KLF12: variants seen among roughly 807,000 people sequenced by gnomAD.
The protein encoded by KLF12 is KLF transcription factor 12.
Under a neutral mutation model 37.8 loss-of-function variants are expected in KLF12, and 9 were observed. The observed-to-expected ratio is 0.24, with a 90% CI of 0.14 to 0.42. KLF12 has a LOEUF of 0.42. Among genes scored for constraint, KLF12 ranks in the 10% least tolerant of loss-of-function variants. The pLI is 1.00. For synonymous variants in KLF12, 208 were observed against 202.1 expected, an observed-to-expected ratio of 1.03 and a Z score of -0.25; for missense variants, 411 against 516.0, an observed-to-expected ratio of 0.80 and a Z score of 1.97.
chr13:73,928,736 T>C (rs1310819564), intron 3 of KLF12, among the ~76,000 whole-genome samples: 3 of 152,222 alleles, frequency 2.0e-5, no homozygotes, highest in Admixed American at 6.5e-5. Context: ...AGTTGCCACT[T>C]TGTATCACAA....
chr13:74,262,439 G>C, the KLF12 span, among the ~76,000 whole-genome samples: 1 of 152,176 alleles, frequency 6.6e-6, no homozygotes, highest in African/African-American at 2.4e-5. Flanking sequence ...ATTGGTTCAA[G>C]GACCTTCTCT....
the KLF12 span, among the ~76,000 whole-genome samples, chr13:74,284,280 A>C: frequency 6.6e-6 from 1 of 152,144 alleles, no homozygotes; most frequent in Non-Finnish European, 1.5e-5. Context: ...AGGCCTTTTA[A>C]TCTTAGAGAG....
At chr13:74,252,160 T>C in the KLF12 span, among the ~76,000 whole-genome samples, 1 of 152,194 alleles carries the variant, frequency 6.6e-6, no homozygotes, top group Admixed American at 6.5e-5. Flanking sequence ...ATCCCTTAGT[T>C]GTTAAGAAAC....
chr13:73,987,569 C>T (rs7329599), intron 2 of KLF12, among the ~76,000 whole-genome samples: 100,307 of 149,610 alleles, frequency 0.67, 34,944 homozygotes, highest in East Asian at 0.83. Flanking sequence ...AATGTGTAAA[C>T]AGGGAAGAGA....
chr13:73,783,683 T>C (rs1254467464), intron 5 of KLF12, among the ~76,000 whole-genome samples: 2 of 151,642 alleles, frequency 1.3e-5, no homozygotes, highest in Non-Finnish European at 2.9e-5. Context: ...GCCAGTGTAG[T>C]CTCATGATGG....
At chr13:74,064,878 T>TA (rs1480590425) in intron 1 of KLF12, among the ~76,000 whole-genome samples, 4 of 152,204 alleles carry the variant, frequency 2.6e-5, no homozygotes, top group Admixed American at 6.5e-5. Flanking sequence ...GAATCAATGT[T>TA]AGTTTTATTC....
chr13:74,021,255 C>T (rs960239588), intron 1 of KLF12, among the ~76,000 whole-genome samples: 5 of 151,932 alleles, frequency 3.3e-5, no homozygotes, highest in African/African-American at 7.3e-5. Flanking sequence ...AATGATCAGG[C>T]ATTTGACTCA....
At chr13:74,089,558 A>G (rs1051586255) in intron 1 of KLF12, among the ~76,000 whole-genome samples, 1 of 152,156 alleles carries the variant, frequency 6.6e-6, no homozygotes, top group Non-Finnish European at 1.5e-5. Flanking sequence ...TCAAAATAGC[A>G]AACCAAACCT....
At chr13:74,187,235 G>C in the KLF12 span, among the ~76,000 whole-genome samples, 1 of 151,820 alleles carries the variant, frequency 6.6e-6, no homozygotes, top group Non-Finnish European at 1.5e-5. Flanking sequence ...GAGGTGAGAC[G>C]ATCACTCGAA....
chr13:73,958,267 A>G (rs1890908054), intron 2 of KLF12, among the ~76,000 whole-genome samples: 1 of 151,662 alleles, frequency 6.6e-6, no homozygotes, highest in African/African-American at 2.4e-5. Context: ...CTTTTGAGAC[A>G]CAGTCTCACT....
At chr13:73,875,622 A>T (rs1886667706) in intron 3 of KLF12, among the ~76,000 whole-genome samples, 1 of 152,124 alleles carries the variant, frequency 6.6e-6, no homozygotes, top group Non-Finnish European at 1.5e-5. Flanking sequence ...ACCCTATTAA[A>T]TGTGTTGTAT....
At chr13:74,287,934 C>A in the KLF12 span, among the ~76,000 whole-genome samples, 1 of 152,158 alleles carries the variant, frequency 6.6e-6, no homozygotes, top group African/African-American at 2.4e-5. Context: ...TGCACAGTAA[C>A]CTTCCTTTAC....
At chr13:74,304,965 C>T in the KLF12 span, among the ~76,000 whole-genome samples, 1 of 152,086 alleles carries the variant, frequency 6.6e-6, no homozygotes, top group Non-Finnish European at 1.5e-5. Flanking sequence ...ATGGCTTTCT[C>T]AGAATCTGTG....
At chr13:74,228,348 A>G in the KLF12 span, among the ~76,000 whole-genome samples, 2,467 of 152,242 alleles carry the variant, frequency 0.016, 64 homozygotes, top group African/African-American at 0.056. Context: ...AAGCAAACCA[A>G]TGAGAGCTGG....
intron 1 of KLF12, among the ~76,000 whole-genome samples, chr13:74,108,315 C>CATCTGA (rs1876772120): frequency 1.3e-5 from 2 of 152,148 alleles, no homozygotes; most frequent in Non-Finnish European, 2.9e-5. Flanking sequence ...ATGACCACTT[C>CATCTGA]ATTCTCACTC....
intron 4 of KLF12, among the ~76,000 whole-genome samples, chr13:73,842,222 T>C (rs1276182132): frequency 1.3e-5 from 2 of 152,182 alleles, no homozygotes; most frequent in African/African-American, 4.8e-5. Flanking sequence ...AGTAAATACA[T>C]GTCTTCCTAG....
At chr13:73,974,310 C>CAAAAAAAAAAAAAAAAAAA (rs61516158) in intron 2 of KLF12, among the ~76,000 whole-genome samples, 4 of 146,260 alleles carry the variant, frequency 2.7e-5, no homozygotes, top group African/African-American at 1.0e-4. Context: ...AACTTCAAGA[C>CAAAAAAAAAAAAAAAAAAA]AAAAAAAAAA....
chr13:73,988,455 G>A, intron 2 of KLF12, among the ~76,000 whole-genome samples: 1 of 152,192 alleles, frequency 6.6e-6, no homozygotes, highest in Non-Finnish European at 1.5e-5. Flanking sequence ...TTCTAGCCCA[G>A]TGTCTAACAA....
chr13:73,876,908 G>A (rs368546894), intron 3 of KLF12, among the ~76,000 whole-genome samples: 95 of 151,776 alleles, frequency 6.3e-4, no homozygotes, highest in East Asian at 1.9e-3. Flanking sequence ...CCAGCTACTC[G>A]GGAGGCTGAG....
Sources: gnomAD v4.1 joint callset for allele counts (sites outside exome capture counted in the v4.1 genomes callset) on GRCh38, gnomAD v4.1.1 for gene constraint, MANE v1.5 for transcripts, NCBI Gene and HGNC (gene_info 2026-07-23, HGNC 2026-07-21) for gene names.